RPL3: variants seen among roughly 807,000 people sequenced by gnomAD.
RPL3 encodes large ribosomal subunit protein uL3.
A neutral mutation model predicts 46.0 loss-of-function variants in RPL3; 3 were observed. The ratio of observed to expected loss-of-function variants is 0.07; its 90% confidence interval spans 0.03 to 0.17. The LOEUF is 0.17. RPL3 is among the 10% of genes least tolerant of loss of function. The pLI is 1.00. For missense variants in RPL3, 387 were observed against 532.7 expected (o/e 0.73, Z 2.69); for synonymous variants, 224 against 190.8 (o/e 1.17, Z -1.43).
chr22:39,315,774 C>T (rs879494124), intron 4 of RPL3, among the ~76,000 whole-genome samples: 39 of 152,212 alleles, frequency 2.6e-4, no homozygotes, highest in African/African-American at 9.2e-4. Context: ...TCAGGATGAG[C>T]GGACAAGACC....
chr22:39,319,154 C>A (rs1922894394), intron 1 of RPL3: 1 of 544,092 alleles, frequency 1.8e-6, no homozygotes, highest in Non-Finnish European at 3.7e-6. Context: ...GCACCAGCGG[C>A]CCCAGATATT....
intron 5 of RPL3, 167 bp from the exon 6 acceptor site, chr22:39,315,013 G>GT: frequency 1.0e-6 from 1 of 968,650 alleles, no homozygotes; most frequent in Non-Finnish European, 1.5e-6. Context: ...GGCTCTGGGG[G>GT]TGTCACCCTG....
At chr22:39,314,287 C>T in intron 6 of RPL3, 79 bp from the exon 7 acceptor site, 1 of 1,268,064 alleles carries the variant, frequency 7.9e-7, no homozygotes, top group Non-Finnish European at 1.2e-6. Flanking sequence ...ACCTGCAAAG[C>T]ACGCTAGAAG....
intron 5 of RPL3, 114 bp from the exon 6 acceptor site, chr22:39,314,960 T>A: frequency 7.0e-7 from 1 of 1,433,370 alleles, no homozygotes; most frequent in Admixed American, 1.9e-5. Flanking sequence ...GATAAGATTA[T>A]TTCATGTGCA....
intron 1 of RPL3, chr22:39,318,973 A>G (rs1922876292): frequency 3.7e-6 from 2 of 537,130 alleles, no homozygotes; most frequent in Non-Finnish European, 7.6e-6. Flanking sequence ...GCAGCTAGCA[A>G]TGTTAAGCTA....
intron 4 of RPL3, among the ~76,000 whole-genome samples, chr22:39,316,101 T>C (rs1922670343): frequency 6.6e-6 from 1 of 152,056 alleles, no homozygotes; most frequent in Admixed American, 6.6e-5. Context: ...TAGTAGGGCG[T>C]GGTGGCGCAT....
chr22:39,319,061 G>A (rs1922884399), intron 1 of RPL3: 1 of 537,436 alleles, frequency 1.9e-6, no homozygotes, highest in Non-Finnish European at 3.8e-6. Context: ...AAATCAGAAC[G>A]TGACAATCAG....
At chr22:39,313,570 C>T (rs1360442355) in intron 8 of RPL3, 64 bp downstream of exon 8, 7 of 1,493,592 alleles carry the variant, frequency 4.7e-6, no homozygotes, top group African/African-American at 2.8e-5. Flanking sequence ...GGGCCACCAG[C>T]GTCTGTGGCC....
rs774609308 is a variant in RPL3 at position 39,318,641 on chromosome 22, C to T, written c.4-49G>A. ...CAGCACCCAAACCAAAGCAGTGCCC[C>T]CTTCTCTAGTTCCCAGCTGCTTAAG... On this transcript the variant is annotated intron_variant, in intron 1 of 9. Transcript: ENST00000216146. The T allele has an allele frequency of 3.4e-5, 50 of 1,474,060 alleles. No homozygotes were observed. In the African/African-American group the frequency reaches 3.6e-4, roughly 11 times the overall value. 91.3% of individuals were successfully genotyped at this position (1,474,060 alleles called of 1,614,324 possible).
intron 3 of RPL3, 73 bp downstream of exon 3, chr22:39,317,388 C>G (rs1000826106): frequency 1.3e-6 from 2 of 1,524,764 alleles, no homozygotes; most frequent in Admixed American, 3.8e-5. Flanking sequence ...AGCTGAGAAA[C>G]CATGCACACG....
Position 39,318,582 on chromosome 22 carries a change from T to A in RPL3, c.14A>T (p.Lys5Met). 6.2e-7 allele frequency: 1 copy of A among 1,610,098 alleles called. No homozygotes were observed. Among genetic ancestry groups the A allele is most frequent in the Non-Finnish European group, 8.5e-7 (1 of 1,178,342 alleles). MSHRKFSAPRHGSLG... is the reference protein window; with the variant it reads MSHRMFSAPRHGSLG... ...GGACCCATGTCTGGGAGCGGAGAAC[T>A]TTCTGTGAGACTAGGTGGGAAAAAA... Residue 5 changes from lysine to methionine, a missense_variant, in exon 2 of 10, where the codon AAG becomes ATG. Around this residue, in one of 5 missense-constraint regions of RPL3, gnomAD observed 8 missense variants for 23.8 expected, o/e 0.34. Transcript: ENST00000216146.
intron 5 of RPL3, chr22:39,315,160 GT>G: frequency 1.2e-6 from 1 of 841,886 alleles, no homozygotes; most frequent in Non-Finnish European, 2.0e-6. Context: ...CCAGGAACGT[GT>G]TAAGAAGTTG....
chr22:39,313,155 C>T, intron 9 of RPL3, 36 bp downstream of exon 9: 1 of 1,603,782 alleles, frequency 6.2e-7, no homozygotes, highest in Non-Finnish European at 8.5e-7. Flanking sequence ...GCCCAAGCCA[C>T]CACACCCAGC....
chr22:39,314,646 G>A (rs1342242545), intron 6 of RPL3, 40 bp downstream of exon 6: 2 of 1,584,064 alleles, frequency 1.3e-6, no homozygotes, highest in Admixed American at 3.5e-5. Context: ...CATCACGGGG[G>A]CCTCTTCCCA....
intron 1 of RPL3, chr22:39,319,078 G>A (rs548630042): frequency 1.6e-4 from 85 of 537,570 alleles, no homozygotes; most frequent in South Asian, 4.5e-4. Context: ...TCAGCACACA[G>A]TTTCTGTCCG....
chr22:39,313,374 A>C, intron 8 of RPL3, 64 bp from the exon 9 acceptor site: 4 of 1,597,112 alleles, frequency 2.5e-6, no homozygotes, highest in Non-Finnish European at 3.4e-6. Context: ...AGCACTGTTC[A>C]CAGCGCCCCT....
chr22:39,317,067 C>CA, intron 3 of RPL3: 1 of 663,130 alleles, frequency 1.5e-6, no homozygotes, highest in Non-Finnish European at 2.6e-6. Flanking sequence ...CGCATTCAAA[C>CA]AAAATTCTTG....
Position 39,318,498 on chromosome 22 carries a change from G to A in RPL3, c.98C>T (p.Pro33Leu). ...SRHRGKVKSF[P>L]KDDPSKPVHL... ...GACCGGCTTGGACGGGTCATCCTTA[G>A]GGAAGCTCTTCACCTTCCCACGATG... The change falls in exon 2 of 10, where the codon CCT becomes CTT. Residue 33 changes from proline to leucine, a missense_variant. Around this residue, in one of 5 missense-constraint regions of RPL3, gnomAD observed 196 missense variants for 217.5 expected, o/e 0.90. Transcript: ENST00000216146. The A allele has an allele frequency of 6.2e-7, 1 of 1,613,986 alleles. No individual in the cohort carries two copies. The highest frequency in any genetic ancestry group is 8.5e-7 in the Non-Finnish European group (1 of 1,179,942).
intron 2 of RPL3, 43 bp downstream of exon 2, chr22:39,318,357 C>T: frequency 2.5e-6 from 4 of 1,593,186 alleles, no homozygotes; most frequent in South Asian, 1.1e-5. Context: ...TTTCCCTCCC[C>T]CTCCACTCCT....
Sources: gnomAD v4.1 joint callset for allele counts (sites outside exome capture counted in the v4.1 genomes callset) on GRCh38, gnomAD v4.1.1 for gene constraint, gnomAD v4.1.1 regional missense constraint, MANE v1.5 for transcripts, NCBI Gene and HGNC (gene_info 2026-07-23, HGNC 2026-07-21) for gene names.